The following CRLF2 variants were observed in gnomAD, a reference collection of about 807,000 sequenced individuals.
CRLF2 encodes cytokine receptor like factor 2.
In CRLF2, 41 loss-of-function variants were observed where a neutral mutation model predicts 38.7. The ratio of observed to expected loss-of-function variants is 1.06; its 90% CI spans 0.83 to 1.37. CRLF2 has a LOEUF of 1.37. Ranked by LOEUF, CRLF2 falls within the 40% of genes most tolerant of loss-of-function variation. The pLI is 0.00. For missense variants in CRLF2, 377 were observed against 322.2 expected, an observed-to-expected ratio of 1.17 and a Z score of -1.30; for synonymous variants, 140 against 128.8, an observed-to-expected ratio of 1.09 and a Z score of -0.59.
intron 5 of CRLF2, 140 bp from the exon 6 acceptor site, chrX:1,197,040 G>C (rs1163752506): frequency 7.0e-6 from 4 of 570,888 alleles, no homozygotes; most frequent in Non-Finnish European, 1.1e-5. Flanking sequence ...CTCGTTGTTT[G>C]TTTTTTGTTT....
intron 3 of CRLF2, among the ~76,000 whole-genome samples, chrX:1,204,288 G>A (rs1253733865): frequency 8.6e-5 from 13 of 151,998 alleles, no homozygotes; most frequent in Non-Finnish European, 2.9e-5. Flanking sequence ...GAGTGCAATG[G>A]CGCGATCTCG....
intron 7 of CRLF2, among the ~76,000 whole-genome samples, chrX:1,191,509 C>T (rs1390980787): frequency 4.6e-4 from 70 of 151,248 alleles, no homozygotes; most frequent in African/African-American, 1.5e-3. Flanking sequence ...AGCTCTGACA[C>T]CAATACCCTT....
chrX:1,192,149 G>A (rs1464768753), intron 7 of CRLF2, among the ~76,000 whole-genome samples: 6 of 141,772 alleles, frequency 4.2e-5, no homozygotes, highest in Non-Finnish European at 9.1e-5. Context: ...AGCTTGCAGT[G>A]AGCCGAGATC....
chrX:1,211,912 T>TGG (rs2086809538), intron 1 of CRLF2, among the ~76,000 whole-genome samples: 1 of 110,102 alleles, frequency 9.1e-6, no homozygotes, highest in Non-Finnish European at 1.8e-5. Context: ...TGGATGGATG[T>TGG]ATTGGTGGAT....
intron 7 of CRLF2, among the ~76,000 whole-genome samples, chrX:1,191,767 G>A (rs1287295754): frequency 6.6e-6 from 1 of 151,574 alleles, no homozygotes; most frequent in Non-Finnish European, 1.5e-5. Flanking sequence ...CCGACCTCAG[G>A]TGATCCACCC....
chrX:1,208,135 C>G (rs1239073046), intron 2 of CRLF2, among the ~76,000 whole-genome samples: 1 of 152,162 alleles, frequency 6.6e-6, no homozygotes, highest in Non-Finnish European at 1.5e-5. Flanking sequence ...TTGGGGGTAG[C>G]CCCGGGTAAG....
At chrX:1,200,296 G>A (rs1354158264) in intron 4 of CRLF2, among the ~76,000 whole-genome samples, 5 of 146,690 alleles carry the variant, frequency 3.4e-5, no homozygotes, top group Admixed American at 7.0e-5. Flanking sequence ...ATATATACGT[G>A]TATATAAGCT....
chrX:1,198,214 TCG>T (rs2086529342), intron 5 of CRLF2, among the ~76,000 whole-genome samples: 1 of 76,278 alleles, frequency 1.3e-5, no homozygotes, highest in Non-Finnish European at 2.4e-5. Context: ...CCCTCCCACC[TCG>T]AAGGCAGGAC....
At position 1,196,876 on chromosome X, in the gene CRLF2, G is replaced by A. The variant is rs140409545; in HGVS notation, c.671C>T (p.Pro224Leu). ...IRDACAETPTPPKPKLSKFIL... is the reference protein window; with the variant it reads ...IRDACAETPTLPKPKLSKFIL... ...AAATTTGGACAGCTTTGGTTTGGGA[G>A]GCGTTGGTGTCTCTGCACAGGCATC... The change falls in exon 6 of 8, where the codon CCT becomes CTT. Residue 224 changes from proline (P) to leucine (L), a missense_variant. Coordinates refer to ENST00000400841, the MANE Select transcript of CRLF2 (RefSeq NM_022148.4). 1,830 of 1,613,582 alleles carry A rather than the reference G, an allele frequency of 1.1e-3. 29 individuals are homozygous for A. The East Asian group carries it at 0.038, about 33-fold the overall frequency.
rs1238868006 is a variant in CRLF2, at chrX:1,196,772, A to G, written c.767+8T>C. The G allele has an allele frequency of 1.2e-6, 2 of 1,613,244 alleles. No homozygotes were observed. Among genetic ancestry groups the G allele is most frequent in the South Asian group, 2.2e-5 (2 of 91,026 alleles). ...CCTCCACCCACGGGCGGCAGGAGTC[A>G]TCCTTACCTCCATAATTTCCATAAA... On this transcript the variant is annotated splice_region_variant and intron_variant, in intron 6 of 7. Coordinates refer to ENST00000400841, the MANE Select transcript of CRLF2 (RefSeq NM_022148.4).
intron 5 of CRLF2, among the ~76,000 whole-genome samples, chrX:1,197,998 CA>C (rs1232528833): frequency 2.6e-5 from 4 of 151,538 alleles, no homozygotes; most frequent in African/African-American, 9.7e-5. Context: ...GAATGTTTCT[CA>C]AAAAAACAAA....
At chrX:1,204,148 C>CTGTGTGTGTGTG (rs1457922780) in intron 3 of CRLF2, among the ~76,000 whole-genome samples, 5 of 14,586 alleles carry the variant, frequency 3.4e-4, no homozygotes, top group African/African-American at 5.7e-4. Flanking sequence ...TTCCAGCTCA[C>CTGTGTGTGTGTG]TCTGTGTGTG....
chrX:1,209,294 T>TTGTAGTGTAGTGTAGTGTAG (rs774118469), intron 1 of CRLF2, among the ~76,000 whole-genome samples: 1,976 of 142,512 alleles, frequency 0.014, 24 homozygotes, highest in Non-Finnish European at 0.02. Context: ...TTGCATTGTA[T>TTGTAGTGTAGTGTAGTGTAG]TGTAGTGTAG....
intron 2 of CRLF2, among the ~76,000 whole-genome samples, chrX:1,208,046 A>G (rs747636480): frequency 7.2e-5 from 11 of 152,292 alleles, no homozygotes; most frequent in Non-Finnish European, 1.5e-4. Flanking sequence ...CCTTCCTGCA[A>G]TGTTCGTACG....
intron 1 of CRLF2, 132 bp downstream of exon 1, chrX:1,212,418 GAAAAAA>G (rs369256719): frequency 2.5e-3 from 1,066 of 430,432 alleles, no homozygotes; most frequent in Middle Eastern, 4.6e-3. Flanking sequence ...CTTGAACCCG[GAAAAAA>G]AAAAAAAAAA....
intron 3 of CRLF2, among the ~76,000 whole-genome samples, chrX:1,205,255 G>A (rs2147847041): frequency 6.6e-6 from 1 of 152,348 alleles, no homozygotes; most frequent in South Asian, 2.1e-4. Flanking sequence ...CCCACTTGGA[G>A]TGAGGAGCTG....
Position 1,206,575 on chromosome X carries a change from G to C in CRLF2, c.207C>G (p.Asp69Glu), listed in dbSNP as rs772872419. 2 of 1,613,588 alleles carry C rather than the reference G, an allele frequency of 1.2e-6. No homozygotes were observed. Among genetic ancestry groups the C allele is most frequent in the Admixed American group, 1.7e-5 (1 of 59,988 alleles). ...CCTGGAGAAGGTAGTTGGTGCACTGGTCATAGGCCTCATCACCGTTGAATC... is the reference window on the plus strand; with the variant it reads ...CCTGGAGAAGGTAGTTGGTGCACTGCTCATAGGCCTCATCACCGTTGAATC... ...HYRFNGDEAY[D>E]QCTNYLLQEG... The change falls in exon 3 of 8, where the codon GAC (aspartate) becomes GAG (glutamate). Residue 69 changes from aspartate (D) to glutamate (E), a missense_variant. By Grantham distance (45) the Asp-to-Glu change is conservative. Transcript: ENST00000400841.
intron 4 of CRLF2, chrX:1,198,956 C>T (rs2086552447): frequency 1.7e-6 from 1 of 572,138 alleles, no homozygotes; most frequent in Non-Finnish European, 3.1e-6. Context: ...CGAGACCAGC[C>T]TGGCCAACAT....
chrX:1,195,190 C>T (rs1371626312), intron 6 of CRLF2, among the ~76,000 whole-genome samples: 1 of 150,420 alleles, frequency 6.6e-6, no homozygotes, highest in Non-Finnish European at 1.5e-5. Flanking sequence ...GAGATTCCGT[C>T]TCAAAATAAA....
Sources: allele counts gnomAD v4.1 joint callset (sites outside exome capture counted in the v4.1 genomes callset), GRCh38; gene constraint gnomAD v4.1.1; transcripts MANE v1.5; gene names NCBI Gene and HGNC (gene_info 2026-07-23, HGNC 2026-07-21).